AHNAK: variants seen among roughly 807,000 people sequenced by gnomAD.
AHNAK encodes the protein AHNAK nucleoprotein.
A neutral mutation model predicts 37.8 loss-of-function variants in AHNAK; 23 were observed. The observed-to-expected ratio is 0.61, with a 90% CI of 0.44 to 0.86. The LOEUF is 0.86. AHNAK is among the 40% of genes least tolerant of loss of function. The pLI is 0.00. For missense variants in AHNAK, 7,411 were observed against 7,319.4 expected (o/e 1.01, Z -0.46); for synonymous variants, 2,481 against 2,636.3 (o/e 0.94, Z 1.80).
chr11:62,534,809 G>C (rs1027494806), intron 4 of AHNAK, among the ~76,000 whole-genome samples, 194 bp downstream of exon 4: 1 of 152,136 alleles, frequency 6.6e-6, no homozygotes, highest in African/African-American at 2.4e-5. Context: ...ACATTTAGAG[G>C]GAGCACAGCC....
rs201001582 is a variant in AHNAK, at chr11:62,522,330, A to G, written c.12087T>C (p.Asp4029=). 5 of 1,611,546 alleles carry G rather than the reference A, an allele frequency of 3.1e-6. No individual in the cohort carries two copies. Among genetic ancestry groups the G allele is most frequent in the Admixed American group, 1.7e-5 (1 of 59,716 alleles). ...VDVSLPKMEG[D]LKAPEVDIKG... Reference sequence around the variant, plus strand: ...TGATGTCAACTTCAGGGGCCTTTAGATCACCTTCCATCTTAGGCAGAGAAA... The same window carrying G: ...TGATGTCAACTTCAGGGGCCTTTAGGTCACCTTCCATCTTAGGCAGAGAAA... The change falls in exon 5 of 5, where the codon GAT becomes GAC. Residue 4029 remains aspartate, a synonymous_variant. Transcript: ENST00000378024.
At position 62,532,452 on chromosome 11, in the gene AHNAK, T is replaced by C; in HGVS notation, c.1965A>G (p.Gly655=). The C allele has an allele frequency of 6.2e-7, 1 of 1,614,028 alleles. No individual in the cohort carries two copies. Among genetic ancestry groups the C allele is most frequent in the Non-Finnish European group, 8.5e-7 (1 of 1,180,002 alleles). ...GPDVHMTLPK[G]DISISGPKVN... ...CCTTGGGCCCTGAAATACTGATATC[T>C]CCTTTGGGTAGAGTCATATGAACAT... The change falls in exon 5 of 5, where the codon GGA becomes GGG. Residue 655 remains glycine (G), a synonymous_variant. Coordinates refer to ENST00000378024, the MANE Select transcript of AHNAK (RefSeq NM_001620.3).
chr11:62,536,405 C>T (rs1940950734), intron 2 of AHNAK, 64 bp downstream of exon 2: 1 of 299,222 alleles, frequency 3.3e-6, no homozygotes, highest in Non-Finnish European at 6.2e-6. Context: ...CTCCCATCCA[C>T]ACAGGGCCCA....
In AHNAK at chr11:62,525,867, T is replaced by C. The variant is rs1240277502; in HGVS notation, c.8550A>G (p.Lys2850=). The C allele has an allele frequency of 6.2e-7, 1 of 1,614,118 alleles. No individual in the cohort carries two copies. Among genetic ancestry groups the C allele is most frequent in the African/African-American group, 1.3e-5 (1 of 75,026 alleles). Residue 2850 remains lysine (K), a synonymous_variant, in exon 5 of 5, where the codon AAA becomes AAG. Coordinates refer to ENST00000378024, the MANE Select transcript of AHNAK (RefSeq NM_001620.3). ...IDLNLTGPKI[K]GDVDVTGPKV... is the part of the protein sequence containing the mutation. ...TAGGGCCTGTAACATCCACATCTCC[T>C]TTTATTTTTGGACCTGTGAGATTCA... is the stretch of plus-strand genomic sequence containing the variant.
intron 5 of AHNAK, among the ~76,000 whole-genome samples, chr11:62,458,137 C>G (rs1482674394): frequency 6.6e-6 from 1 of 151,958 alleles, no homozygotes; most frequent in South Asian, 2.1e-4. Context: ...CCAGGCTGGT[C>G]TCAAACTCCT....
chr11:62,505,159 T>A (rs1006970725), intron 4 of AHNAK, among the ~76,000 whole-genome samples: 4 of 152,028 alleles, frequency 2.6e-5, no homozygotes, highest in African/African-American at 9.7e-5. Flanking sequence ...GGGAGGTGTA[T>A]ACCTGGTCTC....
intron 5 of AHNAK, among the ~76,000 whole-genome samples, chr11:62,461,863 A>G (rs928633434): frequency 3.3e-5 from 5 of 151,300 alleles, no homozygotes; most frequent in African/African-American, 1.2e-4. Flanking sequence ...AGGATAGTTC[A>G]CGGCAAAATG....
In AHNAK at chr11:62,520,542, G is replaced by A. The variant is rs12793602; in HGVS notation, c.13875C>T (p.Pro4625=). 5.3e-3 allele frequency: 8,533 copies of A among 1,613,262 alleles called. 32 individuals carry two copies. Among genetic ancestry groups the A allele is most frequent in the Non-Finnish European group, 6.7e-3 (7,933 of 1,179,804 alleles). ...CTTTGGGGTCCCTGATGTCAACTTC[G>A]GGGCCCTTGAGGTCGCCTTCCACTT... ...LPKVEGDLKG[P]EVDIRDPKVD... The change falls in exon 5 of 5, where the codon CCC becomes CCT. Residue 4625 remains proline, a synonymous_variant. Coordinates refer to ENST00000378024, the MANE Select transcript of AHNAK (RefSeq NM_001620.3).
chr11:62,463,016 C>T (rs926927417), intron 5 of AHNAK, among the ~76,000 whole-genome samples: 7 of 150,770 alleles, frequency 4.6e-5, no homozygotes, highest in South Asian at 2.1e-4. Context: ...CCCAGCTACT[C>T]GGGAGGCTGA....
At chr11:62,467,841 T>C (rs1938946191) in intron 5 of AHNAK, among the ~76,000 whole-genome samples, 1 of 152,212 alleles carries the variant, frequency 6.6e-6, no homozygotes. Flanking sequence ...TCAGTATATA[T>C]TCAGTGGCCC....
At chr11:62,444,537 G>T (rs1401477362) in intron 5 of AHNAK, among the ~76,000 whole-genome samples, 1 of 152,270 alleles carries the variant, frequency 6.6e-6, no homozygotes, top group African/African-American at 2.4e-5. Flanking sequence ...CCCGGCAGCT[G>T]CTCGCCCTCC....
chr11:62,519,210 A>T lies in AHNAK; in HGVS notation c.15207T>A (p.Ala5069=). 1 of 1,613,178 alleles carries T rather than the reference A, an allele frequency of 6.2e-7. No individual in the cohort carries two copies. The highest frequency in any genetic ancestry group is 1.3e-5 in the African/African-American group (1 of 74,978). ...GCGATTTCACGTCGACTTTGAGTGCAGCATCCGGCCCTGCGATGTTGACAT... is the reference window on the plus strand; with the variant it reads ...GCGATTTCACGTCGACTTTGAGTGCTGCATCCGGCCCTGCGATGTTGACAT... ...DVDVNIAGPD[A]ALKVDVKSPK... The change falls in exon 5 of 5, where the codon GCT becomes GCA. Residue 5069 remains alanine (A), a synonymous_variant. Transcript: ENST00000378024.
chr11:62,501,854 C>T (rs1939718506), intron 4 of AHNAK, among the ~76,000 whole-genome samples: 1 of 152,176 alleles, frequency 6.6e-6, no homozygotes, highest in Admixed American at 6.5e-5. Context: ...CAAAGCCAGC[C>T]CCGCATTGCT....
At chr11:62,437,911 C>CT (rs1043741908) in intron 5 of AHNAK, among the ~76,000 whole-genome samples, 16 of 150,954 alleles carry the variant, frequency 1.1e-4, no homozygotes, top group Non-Finnish European at 1.9e-4. Flanking sequence ...CTATGTTGTT[C>CT]TTTTTTTTTC....
At chr11:62,508,988 A>G (rs916858237) in intron 4 of AHNAK, among the ~76,000 whole-genome samples, 59 of 152,210 alleles carry the variant, frequency 3.9e-4, no homozygotes, top group African/African-American at 1.3e-3. Flanking sequence ...AATTCCAATG[A>G]GGAGTCATGG....
chr11:62,480,743 G>A (rs1293097896), intron 5 of AHNAK, among the ~76,000 whole-genome samples: 3 of 145,392 alleles, frequency 2.1e-5, no homozygotes, highest in South Asian at 2.2e-4. Flanking sequence ...CCTGACCTCT[G>A]TCCCCAAACA....
intron 4 of AHNAK, among the ~76,000 whole-genome samples, chr11:62,506,982 T>C (rs1330938183): frequency 2.0e-5 from 3 of 151,980 alleles, no homozygotes; most frequent in Admixed American, 6.6e-5. Flanking sequence ...TCTGAGTTCG[T>C]CCCCCTTCTC....
chr11:62,532,060 T>C lies in AHNAK; in HGVS notation c.2357A>G (p.Asp786Gly), dbSNP rs1220345400. 8 of 1,610,344 alleles carry C rather than the reference T, an allele frequency of 5.0e-6. No individual in the cohort carries two copies. Among genetic ancestry groups the C allele is most frequent in the Non-Finnish European group, 6.8e-6 (8 of 1,178,952 alleles). ...ADVDISGPKI[D>G]VTAPDVSIEE... ...AATGCTCACATCAGGAGCAGTAACA[T>C]CTATCTTGGGCCCGGAAATGTCCAC... The change falls in exon 5 of 5, where the codon GAT becomes GGT. Residue 786 changes from aspartate to glycine, a missense_variant. By Grantham distance (94) the Asp-to-Gly change is moderately conservative (BLOSUM62 -1). Transcript: ENST00000378024.
Position 62,517,598 on chromosome 11 carries a change from T to A in AHNAK, c.16819A>T (p.Asn5607Tyr). 6.2e-7 allele frequency: 1 copy of A among 1,614,130 alleles called. No homozygotes were observed. Among genetic ancestry groups the A allele is most frequent in the Non-Finnish European group, 8.5e-7 (1 of 1,180,034 alleles). Residue 5607 changes from asparagine (N) to tyrosine (Y), a missense_variant, in exon 5 of 5, where the codon AAC (asparagine) becomes TAC (tyrosine). Coordinates refer to ENST00000378024, the MANE Select transcript of AHNAK (RefSeq NM_001620.3). The stretch of plus-strand genomic sequence containing the variant: ...CCAGCAAACTTAGATGTGTCCAAGT[T>A]GAGAGCAGAGGAGACTTGGGGTCCC... Reference protein sequence around the residue: ...WKGPQVSSALNLDTSKFAGGL... With the variant: ...WKGPQVSSALYLDTSKFAGGL...
Sources: gnomAD v4.1 joint callset for allele counts (sites outside exome capture counted in the v4.1 genomes callset) on GRCh38, gnomAD v4.1.1 for gene constraint, MANE v1.5 for transcripts, NCBI Gene and HGNC (gene_info 2026-07-23, HGNC 2026-07-21) for gene names.